NRXN3: variants seen among roughly 807,000 people sequenced by gnomAD.
The protein encoded by NRXN3 is neurexin III.
NRXN3 carries 32 observed loss-of-function variants against 137.6 expected under a neutral mutation model. The observed-to-expected ratio is 0.23, with a 90% CI of 0.18 to 0.31. The LOEUF is 0.31. Among genes scored for constraint, NRXN3 ranks in the 10% least tolerant of loss-of-function variants. The pLI, the probability that NRXN3 is intolerant of heterozygous loss-of-function variation, is 1.00. For missense variants in NRXN3, 1,574 were observed against 2,062.5 expected, an observed-to-expected ratio of 0.76 and a Z score of 4.59; for synonymous variants, 798 against 784.5, an observed-to-expected ratio of 1.02 and a Z score of -0.29.
intron 16 of NRXN3, among the ~76,000 whole-genome samples, chr14:79,595,671 A>C (rs1440126100): frequency 6.6e-6 from 1 of 152,152 alleles, no homozygotes; most frequent in Non-Finnish European, 1.5e-5. Context: ...GATTGTAAAA[A>C]CTTCATATCA....
intron 15 of NRXN3, among the ~76,000 whole-genome samples, chr14:79,294,713 A>C (rs2083753794): frequency 6.6e-6 from 1 of 152,166 alleles, no homozygotes. Flanking sequence ...AACAGCAGAG[A>C]GGAGTGTTTG....
chr14:79,229,849 G>A (rs2071807624), intron 15 of NRXN3, among the ~76,000 whole-genome samples: 1 of 152,058 alleles, frequency 6.6e-6, no homozygotes, highest in African/African-American at 2.4e-5. Context: ...TAGCTGAAGG[G>A]CCGCTAGACC....
At chr14:78,197,267 C>G (rs745428823) in intron 1 of NRXN3, among the ~76,000 whole-genome samples, 3 of 152,230 alleles carry the variant, frequency 2.0e-5, no homozygotes, top group Non-Finnish European at 4.4e-5. Flanking sequence ...CTGCTTTTAG[C>G]TGGGGTGCTA....
chr14:78,352,430 C>T (rs1433858339), intron 4 of NRXN3, among the ~76,000 whole-genome samples: 1 of 151,878 alleles, frequency 6.6e-6, no homozygotes, highest in South Asian at 2.1e-4. Context: ...AACACTTTAC[C>T]CTGCCCCCAT....
intron 20 of NRXN3, among the ~76,000 whole-genome samples, chr14:79,826,306 T>G (rs1422844396): frequency 1.3e-5 from 2 of 152,168 alleles, no homozygotes; most frequent in African/African-American, 4.8e-5. Context: ...GATTTTTTTT[T>G]TAAACCTTGG....
At chr14:78,685,629 C>CTTTT (rs36106336) in intron 6 of NRXN3, among the ~76,000 whole-genome samples, 2 of 80,198 alleles carry the variant, frequency 2.5e-5, no homozygotes, top group Admixed American at 1.5e-4. Context: ...AGAAATGTCA[C>CTTTT]TTTTTTTTTT....
At chr14:79,579,606 T>C (rs1321808868) in intron 16 of NRXN3, among the ~76,000 whole-genome samples, 1 of 152,012 alleles carries the variant, frequency 6.6e-6, no homozygotes, top group Non-Finnish European at 1.5e-5. Flanking sequence ...AATGCAACAA[T>C]GTCTGTAGAA....
chr14:79,861,362 A>G lies in NRXN3; in HGVS notation c.4114A>G (p.Ile1372Val), dbSNP rs776261040. Residue 1372 changes from isoleucine (I) to valine (V), a missense_variant, in exon 21 of 21, where the codon ATC (isoleucine) becomes GTC (valine). Around this residue, in one of 5 missense-constraint regions of NRXN3, gnomAD observed 320 missense variants for 387.1 expected, o/e 0.83. Transcript: ENST00000335750. This position sits in a 1 kb window ranked among gnomAD's most constrained non-coding sequence, Gnocchi z 5.4. ...AACAGATAAGAGTCTTTCCACTTCAATCTTCGAAGGTGGCTACAAAGCACA... is the reference window on the plus strand; with the variant it reads ...AACAGATAAGAGTCTTTCCACTTCAGTCTTCGAAGGTGGCTACAAAGCACA... The part of the protein sequence containing the change: ...PSTDKSLSTS[I>V]FEGGYKAHAP... The G allele has an allele frequency of 1.7e-5, 26 of 1,535,960 alleles. No individual in the cohort carries two copies. The highest frequency in any genetic ancestry group is 6.8e-5 in the African/African-American group (5 of 73,002).
At chr14:78,235,125 T>C (rs1362705632) in intron 1 of NRXN3, among the ~76,000 whole-genome samples, 1 of 151,298 alleles carries the variant, frequency 6.6e-6, no homozygotes, top group East Asian at 1.9e-4. Context: ...TCCATCCTTA[T>C]GGGTTGTTTA....
chr14:79,828,647 T>C, intron 20 of NRXN3, among the ~76,000 whole-genome samples: 1 of 65,758 alleles, frequency 1.5e-5, no homozygotes, highest in Non-Finnish European at 2.7e-5. Flanking sequence ...AAAAGTAAAA[T>C]TGTCTTTTTT....
intron 16 of NRXN3, among the ~76,000 whole-genome samples, chr14:79,480,269 G>A (rs2096595205): frequency 6.6e-6 from 1 of 152,150 alleles, no homozygotes; most frequent in Non-Finnish European, 1.5e-5. Flanking sequence ...TAATTCCTAA[G>A]GTTAACAGGT....
intron 15 of NRXN3, among the ~76,000 whole-genome samples, chr14:79,186,389 A>G (rs2063548102): frequency 6.6e-6 from 1 of 152,190 alleles, no homozygotes. Context: ...CGTGGCTAAC[A>G]TGCCATGTCT....
At chr14:78,620,675 G>A (rs1297660075) in intron 4 of NRXN3, among the ~76,000 whole-genome samples, 1 of 152,132 alleles carries the variant, frequency 6.6e-6, no homozygotes, top group African/African-American at 2.4e-5. Context: ...AAATAATGAT[G>A]CTGCTGCTGC....
chr14:78,203,647 C>T (rs1031593606), intron 1 of NRXN3, among the ~76,000 whole-genome samples: 6 of 152,116 alleles, frequency 3.9e-5, no homozygotes, highest in African/African-American at 7.2e-5. Flanking sequence ...TAAGGTTTTC[C>T]GTTACCACTA....
At chr14:79,550,860 T>C (rs1198047062) in intron 16 of NRXN3, among the ~76,000 whole-genome samples, 1 of 152,200 alleles carries the variant, frequency 6.6e-6, no homozygotes, top group Non-Finnish European at 1.5e-5. Context: ...GTTCTGGGGA[T>C]TAAATTAGTT....
chr14:79,700,558 T>C (rs1396650693), intron 19 of NRXN3, among the ~76,000 whole-genome samples: 1 of 152,090 alleles, frequency 6.6e-6, no homozygotes, highest in Non-Finnish European at 1.5e-5. Context: ...TCAAAAATCC[T>C]CTAGTTCTTT....
intron 16 of NRXN3, among the ~76,000 whole-genome samples, chr14:79,582,769 A>C (rs1247850248): frequency 6.6e-6 from 1 of 152,232 alleles, no homozygotes; most frequent in African/African-American, 2.4e-5. Flanking sequence ...TGAAGAAATA[A>C]GTGAAAGAAT....
intron 12 of NRXN3, 57 bp downstream of exon 12, chr14:78,966,463 G>A (rs961272679): frequency 9.2e-6 from 14 of 1,523,628 alleles, no homozygotes; most frequent in African/African-American, 1.4e-5. Context: ...GAAGCTCTAC[G>A]TAAAATATGG....
intron 16 of NRXN3, among the ~76,000 whole-genome samples, chr14:79,571,735 A>G (rs971722697): frequency 2.0e-5 from 3 of 152,144 alleles, no homozygotes; most frequent in African/African-American, 7.2e-5. Flanking sequence ...TGTGTATGTG[A>G]GGGGTGTGGA....
Sources: allele counts gnomAD v4.1 joint callset (sites outside exome capture counted in the v4.1 genomes callset), GRCh38; gene constraint gnomAD v4.1.1; regional missense constraint gnomAD v4.1.1; non-coding constraint Gnocchi (gnomAD v3.1); transcripts MANE v1.5; gene names NCBI Gene and HGNC (gene_info 2026-07-23, HGNC 2026-07-21).